Variants in PKP2 observed in about 807,000 individuals in gnomAD.
PKP2 encodes plakophilin 2, also known as plakophilin-2.
Under a neutral mutation model 83.4 loss-of-function variants are expected in PKP2, and 73 were observed. That is an observed-to-expected ratio of 0.88 (90% CI 0.72 to 1.06). PKP2 has a LOEUF of 1.06. PKP2 is among the 50% of genes least tolerant of loss of function. The pLI is 0.00. For missense variants in PKP2, 966 were observed against 1,065.4 expected (o/e 0.91, Z 1.30); for synonymous variants, 409 against 430.4 (o/e 0.95, Z 0.62).
At chr12:32,833,675 A>G (rs940870362) in intron 6 of PKP2, among the ~76,000 whole-genome samples, 1 of 152,220 alleles carries the variant, frequency 6.6e-6, no homozygotes, top group Admixed American at 6.5e-5. Flanking sequence ...TATACATTCA[A>G]AACACATTTA....
rs114146396 is a variant in PKP2 at position 32,836,679 on chromosome 12, C to T, written c.1556+4349G>A. ...TCACTGTCGGCTCTGAATACACTCT[C>T]GGCTCTGAAAATAACACCAATGAAT... On this transcript the variant is annotated intron_variant, in intron 6 of 12. Transcript: ENST00000340811. 5.8e-3 allele frequency among the ~76,000 whole-genome samples: 877 copies of T among 152,300 alleles called. 5 individuals carry two copies. The highest frequency in any genetic ancestry group is 0.02 in the African/African-American group (817 of 41,566).
intron 3 of PKP2, among the ~76,000 whole-genome samples, chr12:32,871,716 A>G (rs1425127542): frequency 1.3e-5 from 2 of 151,972 alleles, no homozygotes; most frequent in Non-Finnish European, 2.9e-5. Context: ...CACCCACCTC[A>G]GCCTCCCAAA....
At chr12:32,892,169 T>A (rs779502749) in intron 1 of PKP2, among the ~76,000 whole-genome samples, 2 of 152,060 alleles carry the variant, frequency 1.3e-5, no homozygotes, top group African/African-American at 4.8e-5. Flanking sequence ...CTCCCCAGAA[T>A]TGCTTCATTC....
At position 32,877,989 on chromosome 12, in the gene PKP2, G is replaced by C. The variant is rs2137947060; in HGVS notation, c.891C>G (p.Ser297Arg). 6.2e-7 allele frequency: 1 copy of C among 1,614,040 alleles called. No homozygotes were observed. Among genetic ancestry groups the C allele is most frequent in the Non-Finnish European group, 8.5e-7 (1 of 1,180,038 alleles). ...RSSWHQSSFHSTRTLREAGPS... is the reference protein window; with the variant it reads ...RSSWHQSSFHRTRTLREAGPS... ...GCCCAGCTTCCCTCAGCGTGCGGGT[G>C]CTGTGGAAGGAGCTCTGATGCCAGG... is the stretch of plus-strand genomic sequence containing the variant. The change falls in exon 3 of 13, where the codon AGC (serine) becomes AGG (arginine). Residue 297 changes from serine to arginine, a missense_variant. Coordinates refer to ENST00000340811, the MANE Select transcript of PKP2 (RefSeq NM_001005242.3).
At position 32,821,366 on chromosome 12, in the gene PKP2, C is replaced by G. The variant is rs1348373466; in HGVS notation, c.2003G>C (p.Gly668Ala). 1 of 1,614,086 alleles carries G rather than the reference C, an allele frequency of 6.2e-7. No homozygotes were observed. Among genetic ancestry groups the G allele is most frequent in the Non-Finnish European group, 8.5e-7 (1 of 1,179,974 alleles). The change falls in exon 9 of 13, where the codon GGA becomes GCA. Residue 668 changes from glycine to alanine, a missense_variant. Gly to Ala is a moderately conservative substitution (Grantham distance 60, BLOSUM62 0). Transcript: ENST00000340811. The part of the protein sequence containing the change: ...SLGALQNLTA[G>A]SGPMPTSVAQ... ...AGGCCCAATACTCACTGGTCCACTT[C>G]CGGCCGTGAGGTTCTGCAGAGCTCC...
At chr12:32,871,221 C>G (rs1174435408) in intron 3 of PKP2, among the ~76,000 whole-genome samples, 1 of 152,134 alleles carries the variant, frequency 6.6e-6, no homozygotes, top group East Asian at 1.9e-4. Context: ...CCTTCTTTGA[C>G]TTTTCCAGGA....
intron 6 of PKP2, among the ~76,000 whole-genome samples, chr12:32,838,557 T>C (rs1227766942): frequency 6.6e-6 from 1 of 152,190 alleles, no homozygotes; most frequent in Non-Finnish European, 1.5e-5. Flanking sequence ...GTTTCCAATT[T>C]CTGTTTGATT....
chr12:32,893,185 A>G (rs1957090209), intron 1 of PKP2: 1 of 152,108 alleles, frequency 6.6e-6, no homozygotes, highest in Non-Finnish European at 1.5e-5. Flanking sequence ...CATTTATCTC[A>G]TCTCTGCTTT....
rs1956651564 is a variant in PKP2, at chr12:32,846,892, CA to C, written c.1378+3873del. ...GCCTCAAAAGTAGGTGGGGTGACAG[CA>C]AAACACTCAGATACAACTAGGTTCA... On this transcript the variant is annotated intron_variant, in intron 5 of 12. Coordinates refer to ENST00000340811, the MANE Select transcript of PKP2 (RefSeq NM_001005242.3). 2.0e-5 allele frequency among the ~76,000 whole-genome samples: 3 copies of C among 152,018 alleles called. No homozygotes were observed. The South Asian group carries it at 6.2e-4, about 32-fold the overall frequency.
rs1235732912 is a variant in PKP2 at position 32,792,483 on chromosome 12, T to C, written c.2455A>G (p.Lys819Glu). 6.2e-7 allele frequency: 1 copy of C among 1,613,502 alleles called. No homozygotes were observed. Among genetic ancestry groups the C allele is most frequent in the Non-Finnish European group, 8.5e-7 (1 of 1,179,542 alleles). Residue 819 changes from lysine (K) to glutamate (E), a missense_variant, in exon 13 of 13, where the codon AAG (lysine) becomes GAG (glutamate). By Grantham distance (56) the Lys-to-Glu change is moderately conservative. Coordinates refer to ENST00000340811, the MANE Select transcript of PKP2 (RefSeq NM_001005242.3). ...CGGCTGTTGACAAAATCTGTCTTCTTAAACTGAGCCTTTGGAATAAGCAAA... is the reference window on the plus strand; with the variant it reads ...CGGCTGTTGACAAAATCTGTCTTCTCAAACTGAGCCTTTGGAATAAGCAAA... ...LHHAYKKAQF[K>E]KTDFVNSRTA...
intron 9 of PKP2, among the ~76,000 whole-genome samples, chr12:32,815,293 G>C (rs1239913548): frequency 6.6e-6 from 1 of 152,122 alleles, no homozygotes; most frequent in Non-Finnish European, 1.5e-5. Context: ...ATCTTAGTAT[G>C]GCTCATACAG....
chr12:32,821,788 A>G, intron 8 of PKP2: 1 of 446,990 alleles, frequency 2.2e-6, no homozygotes. Context: ...CAGAGAATTA[A>G]GCATAGGTCA....
chr12:32,793,864 G>A (rs1956097179), intron 11 of PKP2, among the ~76,000 whole-genome samples: 2 of 151,852 alleles, frequency 1.3e-5, no homozygotes, highest in Middle Eastern at 3.2e-3. Context: ...CATAGTGCTG[G>A]GATTACAGAT....
chr12:32,840,651 T>C (rs879274369), intron 6 of PKP2, among the ~76,000 whole-genome samples: 1 of 152,230 alleles, frequency 6.6e-6, no homozygotes, highest in Non-Finnish European at 1.5e-5. Context: ...CATAATGCTT[T>C]ACACAAAATT....
intron 11 of PKP2, among the ~76,000 whole-genome samples, chr12:32,794,820 C>A (rs1330823962): frequency 3.3e-5 from 5 of 152,192 alleles, no homozygotes; most frequent in Non-Finnish European, 7.3e-5. Context: ...GTGCTCAGGG[C>A]TTGTTTTAAT....
At chr12:32,885,666 C>CG (rs1006342332) in intron 1 of PKP2, among the ~76,000 whole-genome samples, 2 of 151,112 alleles carry the variant, frequency 1.3e-5, no homozygotes, top group African/African-American at 4.9e-5. Flanking sequence ...TCCGTCCCCC[C>CG]CCCAAAAAAA....
intron 5 of PKP2, among the ~76,000 whole-genome samples, chr12:32,847,365 C>G (rs1328442681): frequency 6.6e-6 from 1 of 152,184 alleles, no homozygotes; most frequent in Non-Finnish European, 1.5e-5. Flanking sequence ...TACTAGAAAT[C>G]CTGGGTGCTG....
chr12:32,843,208 C>T (rs774167553), intron 5 of PKP2: 2 of 606,532 alleles, frequency 3.3e-6, no homozygotes, highest in African/African-American at 3.7e-5. Context: ...GTCTCGAACT[C>T]CTGACCTCGT....
At chr12:32,811,012 C>T (rs1437436517) in intron 9 of PKP2, among the ~76,000 whole-genome samples, 1 of 152,192 alleles carries the variant, frequency 6.6e-6, no homozygotes, top group African/African-American at 2.4e-5. Flanking sequence ...AGAATTTCAG[C>T]TGGGAGATGA....
Sources: allele counts gnomAD v4.1 joint callset (sites outside exome capture counted in the v4.1 genomes callset), GRCh38; gene constraint gnomAD v4.1.1; transcripts MANE v1.5; gene names NCBI Gene and HGNC (gene_info 2026-07-23, HGNC 2026-07-21).